Variants in MN1 observed in about 807,000 individuals in gnomAD.
MN1 encodes the protein transcriptional activator MN1.
MN1 carries 19 observed loss-of-function variants against 86.9 expected under a neutral mutation model. That is an observed-to-expected ratio of 0.22 (90% CI 0.15 to 0.32). The LOEUF is 0.32. Among genes scored for constraint, MN1 ranks in the 10% least tolerant of loss-of-function variants. The probability of loss-of-function intolerance (pLI) is 1.00; values close to 1 mark genes in which losing one functional copy is unlikely to be tolerated. For synonymous variants in MN1, 928 were observed against 849.6 expected, an observed-to-expected ratio of 1.09 and a Z score of -1.60; for missense variants, 1,841 against 1,862.0, an observed-to-expected ratio of 0.99 and a Z score of 0.21.
intron 1 of MN1, among the ~76,000 whole-genome samples, chr22:27,762,141 A>C (rs1456397818): frequency 6.6e-6 from 1 of 152,146 alleles, no homozygotes; most frequent in Non-Finnish European, 1.5e-5. Context: ...TGACAGATGC[A>C]GCCCTGCACA....
chr22:27,799,581 T>C lies in MN1; in HGVS notation c.963A>G (p.Arg321=), dbSNP rs927875442. Residue 321 remains arginine (R), a synonymous_variant, in exon 1 of 2, where the codon AGA becomes AGG. Transcript: ENST00000302326. ...GVFFERFSGA[R]KMPVGLEPSV... is the part of the protein sequence containing the mutation. ...AGGGCTCCAGACCCACAGGCATCTTTCTGGCCCCACTGAACCTCTCAAAGA... is the reference window on the plus strand; with the variant it reads ...AGGGCTCCAGACCCACAGGCATCTTCCTGGCCCCACTGAACCTCTCAAAGA... The C allele has an allele frequency of 6.6e-6, 10 of 1,509,274 alleles. No homozygotes were observed. Among genetic ancestry groups the C allele is most frequent in the Non-Finnish European group, 4.4e-6 (5 of 1,126,270 alleles). 93.5% of individuals were successfully genotyped at this position (1,509,274 alleles called of 1,614,324 possible). A position where few individuals can be genotyped will look rare whatever the true frequency, so the allele number is the denominator to read the frequency against.
At chr22:27,770,719 C>T (rs1311266766) in intron 1 of MN1, among the ~76,000 whole-genome samples, 6 of 143,728 alleles carry the variant, frequency 4.2e-5, no homozygotes, top group East Asian at 2.3e-4. Flanking sequence ...AGAGCAGTGG[C>T]GCAATCACAG....
At chr22:27,761,384 ATTTCTCTCTCTC>A (rs942208249) in intron 1 of MN1, among the ~76,000 whole-genome samples, 2 of 134,906 alleles carry the variant, frequency 1.5e-5, no homozygotes, top group African/African-American at 5.7e-5. Context: ...AGTTCTTCTT[ATTTCTCTCTCTC>A]TTTCTCTCTC....
At chr22:27,760,682 C>G (rs1932828730) in intron 1 of MN1, among the ~76,000 whole-genome samples, 1 of 152,180 alleles carries the variant, frequency 6.6e-6, no homozygotes, top group African/African-American at 2.4e-5. Flanking sequence ...CTCTAGGCAT[C>G]CCACCGGGGC....
intron 1 of MN1, among the ~76,000 whole-genome samples, chr22:27,784,784 A>C (rs1933100120): frequency 2.6e-5 from 4 of 152,092 alleles, no homozygotes; most frequent in Admixed American, 2.6e-4. Flanking sequence ...AAACACATTT[A>C]ATACATAACC....
chr22:27,758,285 C>A (rs1225940510), intron 1 of MN1, among the ~76,000 whole-genome samples: 1 of 152,306 alleles, frequency 6.6e-6, no homozygotes, highest in Admixed American at 6.5e-5. Flanking sequence ...ACCTTTGCTG[C>A]TGCGGTTTTT....
At chr22:27,796,558 G>C (rs1206884298) in intron 1 of MN1, among the ~76,000 whole-genome samples, 1 of 151,338 alleles carries the variant, frequency 6.6e-6, no homozygotes, top group Non-Finnish European at 1.5e-5. Flanking sequence ...GGTAACATGT[G>C]GGGGGCTTGG....
chr22:27,775,721 A>G (rs1052824851), intron 1 of MN1, among the ~76,000 whole-genome samples: 6 of 152,222 alleles, frequency 3.9e-5, no homozygotes, highest in South Asian at 2.1e-4. Context: ...AAAGGAGTCC[A>G]GGTGCCAGAG....
chr22:27,797,262 G>C lies in MN1; in HGVS notation c.3282C>G (p.His1094Gln), dbSNP rs1045841107. Residue 1094 changes from histidine to glutamine, a missense_variant, in exon 1 of 2, where the codon CAC (histidine) becomes CAG (glutamine). Physicochemically the swap from His to Gln is conservative, Grantham distance 24. Transcript: ENST00000302326. Reference sequence around the variant, plus strand: ...GGGCGGGCGGGGGCGCCTTCGGTCCGTGTTCCCCGGCGCCTACCCCACGGG... The same window carrying C: ...GGGCGGGCGGGGGCGCCTTCGGTCCCTGTTCCCCGGCGCCTACCCCACGGG... ...LPPRGVGAGE[H>Q]GPKAPPPALG... is the part of the protein sequence containing the mutation. 28 of 1,585,886 alleles carry C rather than the reference G, an allele frequency of 1.8e-5. No individual in the cohort carries two copies. Among genetic ancestry groups the C allele is most frequent in the Non-Finnish European group, 2.3e-5 (27 of 1,173,056 alleles).
In MN1 at chr22:27,797,108, G is replaced by A. The variant is rs779278915; in HGVS notation, c.3436C>T (p.Pro1146Ser). Residue 1146 changes from proline (P) to serine (S), a missense_variant, in exon 1 of 2, where the codon CCA becomes TCA. By Grantham distance (74) the Pro-to-Ser change is moderately conservative (BLOSUM62 -1). Transcript: ENST00000302326. ...RTPTSSSGAP[P>S]PDEIHPLEIL... ...TCCAGGGGGTGGATCTCGTCGGGTGGCGGGGCGCCGCTGCTGCTCGTCGGG... is the reference window on the plus strand; with the variant it reads ...TCCAGGGGGTGGATCTCGTCGGGTGACGGGGCGCCGCTGCTGCTCGTCGGG... The A allele has an allele frequency of 3.1e-6, 5 of 1,596,054 alleles. No homozygotes were observed. The highest frequency in any genetic ancestry group is 4.3e-6 in the Non-Finnish European group (5 of 1,172,598).
Position 27,800,273 on chromosome 22 carries a change from A to G in MN1, c.271T>C (p.Phe91Leu), listed in dbSNP as rs1414835067. 2 of 1,579,930 alleles carry G rather than the reference A, an allele frequency of 1.3e-6. No homozygotes were observed. ...GGLQAQPVHG[F>L]FGGQQPHHGH... ...TGGTGAGGCTGCTGGCCGCCAAAGA[A>G]GCCGTGCACAGGCTGCGCTTGCAGC... is the stretch of plus-strand genomic sequence containing the variant. The change falls in exon 1 of 2, where the codon TTC becomes CTC. Residue 91 changes from phenylalanine (F) to leucine (L), a missense_variant. Coordinates refer to ENST00000302326, the MANE Select transcript of MN1 (RefSeq NM_002430.3).
At chr22:27,761,556 A>C (rs547932255) in intron 1 of MN1, among the ~76,000 whole-genome samples, 1 of 152,208 alleles carries the variant, frequency 6.6e-6, no homozygotes, top group Non-Finnish European at 1.5e-5. Context: ...GATGTTACCA[A>C]AGTTTCAGCT....
intron 1 of MN1, among the ~76,000 whole-genome samples, chr22:27,790,809 C>T (rs952078644): frequency 1.3e-5 from 2 of 152,248 alleles, no homozygotes; most frequent in South Asian, 2.1e-4. Flanking sequence ...CAAAACCCAG[C>T]GAGGGGCGAC....
At chr22:27,768,180 C>T (rs906881289) in intron 1 of MN1, among the ~76,000 whole-genome samples, 10 of 152,128 alleles carry the variant, frequency 6.6e-5, no homozygotes, top group African/African-American at 2.4e-4. Flanking sequence ...TCCTGCCTTC[C>T]CCTTTGGCCC....
At chr22:27,760,167 T>C (rs1204824453) in intron 1 of MN1, among the ~76,000 whole-genome samples, 2 of 152,058 alleles carry the variant, frequency 1.3e-5, no homozygotes, top group Admixed American at 6.6e-5. Flanking sequence ...CTGGCCAACA[T>C]GGTCCCATCT....
chr22:27,785,601 G>C (rs1933120197), intron 1 of MN1, among the ~76,000 whole-genome samples: 2 of 152,170 alleles, frequency 1.3e-5, no homozygotes, highest in Non-Finnish European at 2.9e-5. Context: ...GATGGGCACC[G>C]AGCGTGGGGG....
intron 1 of MN1, among the ~76,000 whole-genome samples, chr22:27,755,573 A>G (rs2146293713): frequency 6.6e-6 from 1 of 152,288 alleles, no homozygotes; most frequent in Middle Eastern, 3.4e-3. Context: ...TCTCCTCCCA[A>G]AAGCACTCCT....
At chr22:27,762,671 C>T (rs975476573) in intron 1 of MN1, among the ~76,000 whole-genome samples, 1 of 152,108 alleles carries the variant, frequency 6.6e-6, no homozygotes, top group Non-Finnish European at 1.5e-5. Flanking sequence ...CCTCTCTGAG[C>T]CCCAGCATGC....
intron 1 of MN1, among the ~76,000 whole-genome samples, chr22:27,788,924 C>T (rs905976989): frequency 3.9e-5 from 6 of 152,090 alleles, no homozygotes; most frequent in African/African-American, 1.4e-4. Context: ...AAATTTTTGT[C>T]CCAAGTGTTG....
Sources: allele counts gnomAD v4.1 joint callset (sites outside exome capture counted in the v4.1 genomes callset), GRCh38; gene constraint gnomAD v4.1.1; transcripts MANE v1.5; gene names NCBI Gene and HGNC (gene_info 2026-07-23, HGNC 2026-07-21).